Variants in IKBKE observed in about 807,000 individuals in gnomAD.
IKBKE encodes the protein inhibitor of nuclear factor kappa-B kinase subunit epsilon.
In IKBKE, 45 loss-of-function variants were observed where a neutral mutation model predicts 92.1. The observed-to-expected ratio is 0.49, with a 90% CI of 0.38 to 0.63. The LOEUF is 0.63. Ranked by LOEUF, IKBKE falls within the 20% of genes least tolerant of loss-of-function variation. IKBKE has a pLI of 0.00. For missense variants in IKBKE, 700 were observed against 932.8 expected (o/e 0.75, Z 3.25); for synonymous variants, 374 against 380.3 (o/e 0.98, Z 0.19).
At position 206,485,661 on chromosome 1, in the gene IKBKE, A is replaced by T. The variant is rs143248923; in HGVS notation, c.1616+355A>T. On this transcript the variant is annotated intron_variant, in intron 15 of 21. Coordinates refer to ENST00000581977, the MANE Select transcript of IKBKE (RefSeq NM_014002.4). The surrounding 1 kb of genome is among the most constrained non-coding windows in gnomAD (Gnocchi z 5.0). ...ACGTACAGCATCTCGTTGAATCCTG[A>T]AAACAATAATGATGCTATGATAATG... 2.8e-3 allele frequency among the ~76,000 whole-genome samples: 422 copies of T among 152,326 alleles called. No homozygotes were observed. The highest frequency in any genetic ancestry group is 6.8e-3 in the Middle Eastern group (2 of 294).
At chr1:206,481,243 A>C (rs1225932882) in intron 13 of IKBKE, among the ~76,000 whole-genome samples, 1 of 152,220 alleles carries the variant, frequency 6.6e-6, no homozygotes, top group East Asian at 1.9e-4. Context: ...GGAGCTCTGC[A>C]GCCTAGGGAT....
Position 206,472,106 on chromosome 1 carries a change from C to G in IKBKE, c.-33+861C>G, listed in dbSNP as rs781795973. On this transcript the variant is annotated intron_variant, in intron 2 of 21. Transcript: ENST00000581977. ...CTCTACTAAAAATACAAAAGACAGC[C>G]AGGTGTGGTGGTGCACACCTATGGT... Among the ~76,000 whole-genome samples the G allele has an allele frequency of 3.3e-5, 5 of 152,250 alleles. No individual in the cohort carries two copies. The South Asian group carries it at 6.2e-4, about 19-fold the overall frequency.
At chr1:206,486,955 G>C (rs1374672485) in intron 15 of IKBKE, among the ~76,000 whole-genome samples, 1 of 152,186 alleles carries the variant, frequency 6.6e-6, no homozygotes. Flanking sequence ...TTGGATGAAG[G>C]CTGCAGATCT....
At chr1:206,474,559 TC>T in intron 4 of IKBKE, 88 bp downstream of exon 4, 1 of 1,343,618 alleles carries the variant, frequency 7.4e-7, no homozygotes, top group Non-Finnish European at 1.0e-6. Context: ...AGAGATTTGG[TC>T]CCATGCTCAT....
rs188375340 is a variant in IKBKE at position 206,482,694 on chromosome 1, A to T, written c.1427+2161A>T. On this transcript the variant is annotated intron_variant, in intron 13 of 21. Transcript: ENST00000581977. ...CTTAGTCTGGGTGTGGCTCCAGCCC[A>T]TTGTCACCTTCCCCTACCTGGGCCT... Among the ~76,000 whole-genome samples the T allele has an allele frequency of 7.4e-3, 1,134 of 152,318 alleles. 6 individuals carry two copies. Among genetic ancestry groups the T allele is most frequent in the Non-Finnish European group, 0.014 (941 of 68,018 alleles).
At chr1:206,482,433 G>A (rs1341277800) in intron 13 of IKBKE, among the ~76,000 whole-genome samples, 5 of 152,224 alleles carry the variant, frequency 3.3e-5, no homozygotes, top group African/African-American at 1.2e-4. Flanking sequence ...GACAGGCATG[G>A]TGGGGAATGG....
Position 206,474,564 on chromosome 1 carries a change from T to C in IKBKE, c.228+93T>C, listed in dbSNP as rs1395363435. 4 of 1,327,190 alleles carry C rather than the reference T, an allele frequency of 3.0e-6. No individual in the cohort carries two copies. In the African/African-American group the frequency reaches 4.5e-5, roughly 15 times the overall value. The allele number at this position is 1,327,190 out of a possible 1,614,324, so 82.2% of individuals were successfully genotyped here. On this transcript the variant is annotated intron_variant, in intron 4 of 21. Coordinates refer to ENST00000581977, the MANE Select transcript of IKBKE (RefSeq NM_014002.4). Reference sequence around the variant, plus strand: ...ACATGATAACAGAGATTTGGTCCCATGCTCATCAGCAGGTCAGAGACAGCA... The same window carrying C: ...ACATGATAACAGAGATTTGGTCCCACGCTCATCAGCAGGTCAGAGACAGCA...
chr1:206,478,212 C>A lies in IKBKE; in HGVS notation c.865C>A (p.Gln289Lys). Residue 289 changes from glutamine to lysine, a missense_variant, in exon 9 of 22, where the codon CAG (glutamine) becomes AAG (lysine). Coordinates refer to ENST00000581977, the MANE Select transcript of IKBKE (RefSeq NM_014002.4). This position sits in a 1 kb window ranked among gnomAD's most constrained non-coding sequence, Gnocchi z 4.8. ...PILANILEVE[Q>K]AKCWGFDQFF... ...CCTGGCCAACATCCTGGAGGTGGAG[C>A]AGGCCAAGTGCTGGGGCTTCGACCA... 6.2e-7 allele frequency: 1 copy of A among 1,614,158 alleles called. No homozygotes were observed. The highest frequency in any genetic ancestry group is 8.5e-7 in the Non-Finnish European group (1 of 1,180,036).
Position 206,493,390 on chromosome 1 carries a change from G to T in IKBKE, c.2045+12G>T. The T allele has an allele frequency of 6.3e-7, 1 of 1,575,624 alleles. No individual in the cohort carries two copies. Among genetic ancestry groups the T allele is most frequent in the Non-Finnish European group, 8.7e-7 (1 of 1,145,148 alleles). On this transcript the variant is annotated intron_variant, in intron 20 of 21. Transcript: ENST00000581977. Reference sequence around the variant, plus strand: ...GACCTGCTTCTCCAGTAAGTGCTGGGGAGAAAGCGGTTGTGTATCTGTGTG... The same window carrying T: ...GACCTGCTTCTCCAGTAAGTGCTGGTGAGAAAGCGGTTGTGTATCTGTGTG...
chr1:206,479,652 G>C (rs782303701), intron 10 of IKBKE, among the ~76,000 whole-genome samples: 2 of 152,164 alleles, frequency 1.3e-5, no homozygotes, highest in Admixed American at 6.5e-5. Flanking sequence ...TCAGCTCTTG[G>C]ACATGAGGAG....
intron 20 of IKBKE, 100 bp downstream of exon 20, chr1:206,493,478 A>G (rs1358694833): frequency 3.6e-6 from 3 of 835,990 alleles, no homozygotes; most frequent in Non-Finnish European, 5.8e-6. Context: ...GCGTCATGCC[A>G]GGCCTAGGAG....
chr1:206,486,701 T>C (rs1420912989), intron 15 of IKBKE, among the ~76,000 whole-genome samples: 2 of 148,164 alleles, frequency 1.3e-5, no homozygotes, highest in South Asian at 2.1e-4. Context: ...CTGAGCCCTG[T>C]CCTTTTGGAT....
Position 206,471,630 on chromosome 1 carries a change from T to C in IKBKE, c.-33+385T>C, listed in dbSNP as rs1247783657. Among the ~76,000 whole-genome samples, 3 of 152,144 alleles carry C rather than the reference T, an allele frequency of 2.0e-5. No individual in the cohort carries two copies. In the East Asian group the frequency reaches 5.8e-4, roughly 29 times the overall value. On this transcript the variant is annotated intron_variant, in intron 2 of 21. Coordinates refer to ENST00000581977, the MANE Select transcript of IKBKE (RefSeq NM_014002.4). ...CCAGCCCCCAGACCTGCTGGCTGCC[T>C]CCAGCCTCAGCGGGGAAAACCAGAC...
intron 16 of IKBKE, among the ~76,000 whole-genome samples, chr1:206,488,617 C>G (rs371066955): frequency 8.5e-5 from 13 of 152,052 alleles, no homozygotes; most frequent in Admixed American, 8.5e-4. Flanking sequence ...AGGGAGCCTG[C>G]GGAGGCTCCA....
chr1:206,478,307 C>T lies in IKBKE; in HGVS notation c.960C>T (p.Val320=), dbSNP rs1665181748. ...ATGTCTTCTCCCTGTCCCAGGCAGT[C>T]CTGCACCACATCTATATCCATGCCC... ...VVHVFSLSQA[V]LHHIYIHAHN... The change falls in exon 9 of 22, where the codon GTC becomes GTT. Residue 320 remains valine, a synonymous_variant. Coordinates refer to ENST00000581977, the MANE Select transcript of IKBKE (RefSeq NM_014002.4). This position sits in a 1 kb window ranked among gnomAD's most constrained non-coding sequence, Gnocchi z 4.8. The T allele has an allele frequency of 6.2e-7, 1 of 1,613,950 alleles. No individual in the cohort carries two copies. The highest frequency in any genetic ancestry group is 8.5e-7 in the Non-Finnish European group (1 of 1,180,038).
In IKBKE at chr1:206,490,704, C is replaced by T. The variant is rs1314104201; in HGVS notation, c.1694-115C>T. 5.6e-6 allele frequency: 6 copies of T among 1,071,014 alleles called. No homozygotes were observed. Among genetic ancestry groups the T allele is most frequent in the Admixed American group, 5.3e-5 (3 of 56,342 alleles). 66.3% of individuals were successfully genotyped at this position (1,071,014 alleles called of 1,614,324 possible). A position where few individuals can be genotyped will look rare whatever the true frequency, so the allele number is the denominator to read the frequency against. On this transcript the variant is annotated intron_variant, in intron 16 of 21. Coordinates refer to ENST00000581977, the MANE Select transcript of IKBKE (RefSeq NM_014002.4). The surrounding 1 kb of genome is among the most constrained non-coding windows in gnomAD (Gnocchi z 5.2). ...CCTGCTCCGCTGGGCGGTGAGTTCC[C>T]GTGAAGCAGCACAGGCTGGGCCGTC... is the stretch of plus-strand genomic sequence containing the variant.
Position 206,476,441 on chromosome 1 carries a change from G to A in IKBKE, c.540+79G>A. ...GTGAGCCCCCCAGAGCCCCCATGAG[G>A]GGGTGTGGCCCACCTCCTGCTTCCA... On this transcript the variant is annotated intron_variant, in intron 6 of 21. Coordinates refer to ENST00000581977, the MANE Select transcript of IKBKE (RefSeq NM_014002.4). This position sits in a 1 kb window ranked among gnomAD's most constrained non-coding sequence, Gnocchi z 5.1. The A allele has an allele frequency of 6.9e-7, 1 of 1,451,246 alleles. No individual in the cohort carries two copies. The highest frequency in any genetic ancestry group is 1.3e-5 in the South Asian group (1 of 77,890). 89.9% of individuals were successfully genotyped at this position (1,451,246 alleles called of 1,614,324 possible).
intron 16 of IKBKE, among the ~76,000 whole-genome samples, chr1:206,489,400 T>TAC (rs1359150305): frequency 7.1e-4 from 79 of 110,572 alleles, no homozygotes; most frequent in African/African-American, 2.4e-3. Context: ...TATATATATA[T>TAC]ACACACACAC....
In IKBKE at chr1:206,485,236, A is replaced by T. The variant is rs567956347; in HGVS notation, c.1546A>T (p.Thr516Ser). 6.2e-7 allele frequency: 1 copy of T among 1,613,940 alleles called. No homozygotes were observed. The highest frequency in any genetic ancestry group is 8.5e-7 in the Non-Finnish European group (1 of 1,179,858). Residue 516 changes from threonine (T) to serine (S), a missense_variant, in exon 15 of 22, where the codon ACC becomes TCC. Transcript: ENST00000581977. The surrounding 1 kb of genome is among the most constrained non-coding windows in gnomAD (Gnocchi z 5.0). Reference protein sequence around the residue: ...LSRCSQNITETQESLSSLNRE... With the variant: ...LSRCSQNITESQESLSSLNRE... Reference sequence around the variant, plus strand: ...CAGATGCTCCCAAAATATCACGGAGACCCAGGAGAGCCTGAGCAGCCTGAA... The same window carrying T: ...CAGATGCTCCCAAAATATCACGGAGTCCCAGGAGAGCCTGAGCAGCCTGAA...
Sources: gnomAD v4.1 joint callset for allele counts (sites outside exome capture counted in the v4.1 genomes callset) on GRCh38, gnomAD v4.1.1 for gene constraint, Gnocchi (gnomAD v3.1) non-coding constraint, MANE v1.5 for transcripts, NCBI Gene and HGNC (gene_info 2026-07-23, HGNC 2026-07-21) for gene names.